The following CSMD1 variants were observed in gnomAD, a reference collection of about 807,000 sequenced individuals.
The protein encoded by CSMD1 is CUB and sushi domain-containing protein 1.
A neutral mutation model predicts 417.5 loss-of-function variants in CSMD1; 213 were observed. That is an observed-to-expected ratio of 0.51 (90% CI 0.46 to 0.57). CSMD1 has a LOEUF of 0.57. CSMD1 is among the 20% of genes least tolerant of loss of function. The pLI is 0.00. For missense variants in CSMD1, 6,923 were observed against 4,529.7 expected, an observed-to-expected ratio of 1.53 and a Z score of -15.17; for synonymous variants, 2,862 against 1,736.8, an observed-to-expected ratio of 1.65 and a Z score of -16.11.
chr8:4,133,438 G>A (rs1803231397), intron 3 of CSMD1, among the ~76,000 whole-genome samples: 1 of 152,080 alleles, frequency 6.6e-6, no homozygotes, highest in African/African-American at 2.4e-5. Flanking sequence ...TTAAATAAAT[G>A]TTATCATTTA....
At chr8:4,701,011 G>A (rs1042415507) in intron 1 of CSMD1, among the ~76,000 whole-genome samples, 1 of 152,102 alleles carries the variant, frequency 6.6e-6, no homozygotes, top group Non-Finnish European at 1.5e-5. Context: ...GGGGTTTATC[G>A]GTGAACGGGA....
intron 1 of CSMD1, among the ~76,000 whole-genome samples, chr8:4,851,901 C>T (rs567510061): frequency 2.0e-5 from 3 of 152,264 alleles, no homozygotes; most frequent in East Asian, 1.9e-4. Context: ...AAAATTTATA[C>T]TCATTTGCTA....
chr8:3,047,876 T>C (rs1294960206), intron 50 of CSMD1, among the ~76,000 whole-genome samples: 1 of 152,184 alleles, frequency 6.6e-6, no homozygotes, highest in Non-Finnish European at 1.5e-5. Context: ...GAAATATGGC[T>C]CATAGGGACA....
At chr8:4,087,635 C>A (rs890011646) in intron 3 of CSMD1, among the ~76,000 whole-genome samples, 1 of 152,116 alleles carries the variant, frequency 6.6e-6, no homozygotes, top group Admixed American at 6.5e-5. Flanking sequence ...TTCTTCGATA[C>A]TCTCACATTC....
intron 2 of CSMD1, among the ~76,000 whole-genome samples, chr8:4,625,140 C>G (rs1033014196): frequency 3.9e-5 from 6 of 151,980 alleles, no homozygotes; most frequent in Admixed American, 3.9e-4. Flanking sequence ...ATGACCATAC[C>G]AGGGAAAATA....
chr8:4,025,262 T>A (rs1341915608), intron 4 of CSMD1, among the ~76,000 whole-genome samples: 1 of 152,230 alleles, frequency 6.6e-6, no homozygotes, highest in African/African-American at 2.4e-5. Context: ...CCTGCTTCCT[T>A]TCTACCTTCT....
intron 2 of CSMD1, among the ~76,000 whole-genome samples, chr8:4,542,033 T>C (rs537743551): frequency 1.3e-5 from 2 of 152,096 alleles, no homozygotes; most frequent in African/African-American, 4.8e-5. Context: ...GCAAATGTGG[T>C]CCCAGAGCCT....
chr8:4,359,818 A>G (rs891346120), intron 3 of CSMD1, among the ~76,000 whole-genome samples: 1 of 152,204 alleles, frequency 6.6e-6, no homozygotes, highest in Non-Finnish European at 1.5e-5. Context: ...GCAGGAACCC[A>G]CCATCTCTCC....
chr8:4,452,755 T>C (rs925465966), intron 2 of CSMD1, among the ~76,000 whole-genome samples: 3 of 152,048 alleles, frequency 2.0e-5, no homozygotes, highest in Non-Finnish European at 4.4e-5. Flanking sequence ...TCTTTCAACA[T>C]ATCATCCAAT....
intron 49 of CSMD1, among the ~76,000 whole-genome samples, chr8:3,065,320 C>T (rs78857026): frequency 0.054 from 6,108 of 112,166 alleles, 407 homozygotes; most frequent in African/African-American, 0.18. Context: ...GATAGATAGA[C>T]AGACAGACAA....
At chr8:4,972,133 G>T (rs1348919667) in intron 1 of CSMD1, among the ~76,000 whole-genome samples, 3 of 152,064 alleles carry the variant, frequency 2.0e-5, no homozygotes, top group African/African-American at 7.2e-5. Context: ...ATCGTTATAC[G>T]CTGCCCCTGT....
intron 17 of CSMD1, among the ~76,000 whole-genome samples, chr8:3,394,324 C>T (rs1389282364): frequency 6.7e-6 from 1 of 148,754 alleles, no homozygotes; most frequent in Non-Finnish European, 1.5e-5. Context: ...GGATGACAAG[C>T]TAAATAGAAA....
At chr8:3,002,566 GA>G (rs1412634465) in intron 52 of CSMD1, among the ~76,000 whole-genome samples, 1 of 152,236 alleles carries the variant, frequency 6.6e-6, no homozygotes, top group Non-Finnish European at 1.5e-5. Context: ...ATAGTGATGT[GA>G]AAAGGGGTGC....
At chr8:3,704,456 G>T (rs1245445655) in intron 7 of CSMD1, among the ~76,000 whole-genome samples, 1 of 152,110 alleles carries the variant, frequency 6.6e-6, no homozygotes, top group Non-Finnish European at 1.5e-5. Flanking sequence ...CTTGCCTAGG[G>T]ACATAACCAC....
Position 4,038,508 on chromosome 8 carries a change from C to T in CSMD1, c.416-6409G>A, listed in dbSNP as rs112816720. 1.1e-4 allele frequency among the ~76,000 whole-genome samples: 16 copies of T among 152,272 alleles called. No homozygotes were observed. In the South Asian group the frequency reaches 3.1e-3, roughly 30 times the overall value. On this transcript the variant is annotated intron_variant, in intron 3 of 69. Transcript: ENST00000635120. ...AAAGCAAATTATTTCAACCCAATGT[C>T]ATTTCTGCCAATTTCATTTTAACTG... is the stretch of plus-strand genomic sequence containing the variant.
intron 1 of CSMD1, among the ~76,000 whole-genome samples, chr8:4,879,108 G>T (rs1803234155): frequency 6.6e-6 from 1 of 151,992 alleles, no homozygotes; most frequent in African/African-American, 2.4e-5. Flanking sequence ...AACAAAAAAA[G>T]ATATCATTTA....
At chr8:3,887,860 T>G (rs866040211) in intron 5 of CSMD1, among the ~76,000 whole-genome samples, 5 of 152,206 alleles carry the variant, frequency 3.3e-5, no homozygotes, top group African/African-American at 9.6e-5. Context: ...ATTCGAAGTC[T>G]TATTCATGCT....
intron 18 of CSMD1, among the ~76,000 whole-genome samples, chr8:3,385,788 T>C (rs1463087365): frequency 6.6e-6 from 1 of 152,126 alleles, no homozygotes; most frequent in Non-Finnish European, 1.5e-5. Flanking sequence ...GCATAACTAC[T>C]GTTCACAGGT....
intron 3 of CSMD1, among the ~76,000 whole-genome samples, chr8:4,230,439 T>C (rs1408288629): frequency 2.0e-5 from 3 of 152,198 alleles, no homozygotes; most frequent in Admixed American, 6.5e-5. Context: ...TGACTTAACA[T>C]ATTTATTAAA....
Sources: gnomAD v4.1 joint callset for allele counts (sites outside exome capture counted in the v4.1 genomes callset) on GRCh38, gnomAD v4.1.1 for gene constraint, MANE v1.5 for transcripts, NCBI Gene and HGNC (gene_info 2026-07-23, HGNC 2026-07-21) for gene names.